Variants in TMEFF2 observed in about 807,000 individuals in gnomAD.
TMEFF2 encodes tomoregulin-2.
A neutral mutation model predicts 53.8 loss-of-function variants in TMEFF2; 28 were observed. The ratio of observed to expected loss-of-function variants is 0.52; its 90% CI spans 0.39 to 0.71. TMEFF2 has a LOEUF of 0.71. Ranked by LOEUF, TMEFF2 falls within the 30% of genes least tolerant of loss-of-function variation. TMEFF2 has a pLI of 0.00. For missense variants in TMEFF2, 353 were observed against 455.2 expected (o/e 0.78, Z 2.04); for synonymous variants, 162 against 166.3 (o/e 0.97, Z 0.20).
At chr2:192,138,709 G>C (rs1309169945) in intron 4 of TMEFF2, among the ~76,000 whole-genome samples, 1 of 152,168 alleles carries the variant, frequency 6.6e-6, no homozygotes. Context: ...GAACAAGGAA[G>C]GGAGTTTCTC....
At chr2:192,078,366 C>G (rs1358265836) in intron 4 of TMEFF2, among the ~76,000 whole-genome samples, 1 of 152,100 alleles carries the variant, frequency 6.6e-6, no homozygotes, top group Non-Finnish European at 1.5e-5. Context: ...TTCTTTATCT[C>G]TCTGGATTGG....
intron 7 of TMEFF2, among the ~76,000 whole-genome samples, chr2:191,978,753 C>G (rs988437096): frequency 6.6e-6 from 1 of 152,124 alleles, no homozygotes; most frequent in Non-Finnish European, 1.5e-5. Flanking sequence ...GTCAGCTCTT[C>G]CTGGTAGGGA....
intron 4 of TMEFF2, among the ~76,000 whole-genome samples, chr2:192,102,993 T>C (rs1182733536): frequency 2.0e-5 from 3 of 152,100 alleles, no homozygotes; most frequent in Non-Finnish European, 4.4e-5. Flanking sequence ...TGGGACTACT[T>C]GAGTTTTTCC....
At chr2:192,000,330 C>T (rs978070642) in intron 5 of TMEFF2, among the ~76,000 whole-genome samples, 3 of 152,120 alleles carry the variant, frequency 2.0e-5, no homozygotes, top group African/African-American at 7.2e-5. Flanking sequence ...GCTAGACTCT[C>T]AACATGTATT....
chr2:192,030,733 T>C (rs1303573801), intron 5 of TMEFF2: 1 of 152,066 alleles, frequency 6.6e-6, no homozygotes, highest in African/African-American at 2.4e-5. Flanking sequence ...ACTACACTGG[T>C]GTCAACAGAA....
intron 4 of TMEFF2, among the ~76,000 whole-genome samples, chr2:192,131,587 C>T (rs1354538021): frequency 6.6e-6 from 1 of 152,020 alleles, no homozygotes; most frequent in African/African-American, 2.4e-5. Flanking sequence ...GCCCCAATCC[C>T]TTATTTCCGT....
intron 7 of TMEFF2, among the ~76,000 whole-genome samples, chr2:191,985,323 A>G (rs967592283): frequency 6.6e-6 from 1 of 152,166 alleles, no homozygotes; most frequent in African/African-American, 2.4e-5. Context: ...AGTATTTTTC[A>G]CAAAACCAAA....
chr2:191,965,449 G>A (rs926459542), intron 7 of TMEFF2, among the ~76,000 whole-genome samples: 1 of 151,994 alleles, frequency 6.6e-6, no homozygotes, highest in African/African-American at 2.4e-5. Context: ...CTCCAATTTT[G>A]CCCTCTCGAA....
At chr2:192,109,207 C>A (rs1174491704) in intron 4 of TMEFF2, among the ~76,000 whole-genome samples, 2 of 151,942 alleles carry the variant, frequency 1.3e-5, no homozygotes, top group African/African-American at 4.8e-5. Flanking sequence ...AAATATATAT[C>A]AAGAACAATA....
chr2:192,110,502 T>TTCTG (rs1689248373), intron 4 of TMEFF2, among the ~76,000 whole-genome samples: 1 of 152,194 alleles, frequency 6.6e-6, no homozygotes, highest in Admixed American at 6.5e-5. Context: ...TTTTATTCTT[T>TTCTG]TCTGTCTAAA....
At chr2:192,165,234 T>A (rs959908863) in intron 4 of TMEFF2, among the ~76,000 whole-genome samples, 1 of 152,080 alleles carries the variant, frequency 6.6e-6, no homozygotes. Context: ...ATAAAGACAG[T>A]GGAGAAAAGG....
intron 2 of TMEFF2, among the ~76,000 whole-genome samples, chr2:192,190,175 C>A (rs936326810): frequency 6.6e-6 from 1 of 151,958 alleles, no homozygotes; most frequent in Non-Finnish European, 1.5e-5. Context: ...ATTTTCATTT[C>A]GTAGCATTCA....
rs146013400 is a variant in TMEFF2, at chr2:192,140,841, C to T, written c.439+38827G>A. On this transcript the variant is annotated intron_variant, in intron 4 of 9. Coordinates refer to ENST00000272771, the MANE Select transcript of TMEFF2 (RefSeq NM_016192.4). ...CATGAGCTTGCACGTATTTTAGCCACAGGCAGGACAGGGGGAATGATGTAG... is the reference window on the plus strand; with the variant it reads ...CATGAGCTTGCACGTATTTTAGCCATAGGCAGGACAGGGGGAATGATGTAG... Among the ~76,000 whole-genome samples the T allele has an allele frequency of 9.2e-5, 14 of 152,272 alleles. 1 individual carries two copies. In the East Asian group the frequency reaches 2.7e-3, roughly 29 times the overall value.
chr2:191,964,253 CT>C lies in TMEFF2; in HGVS notation c.746-7876del, dbSNP rs1553507865. 3.6e-3 allele frequency among the ~76,000 whole-genome samples: 153 copies of C among 42,316 alleles called. 3 individuals are homozygous for C. Among genetic ancestry groups the C allele is most frequent in the African/African-American group, 9.9e-3 (123 of 12,424 alleles). The allele number at this position is 42,316 out of a possible 152,430, so 27.8% of individuals were successfully genotyped here. ...CTTTCCTTCCTTCCTTCCTTCCTTCCTTCCTCCTTTCTTTTCTTTTTTCTTT... is the reference window on the plus strand; with the variant it reads ...CTTTCCTTCCTTCCTTCCTTCCTTCCTCCTCCTTTCTTTTCTTTTTTCTTT... On this transcript the variant is annotated intron_variant, in intron 7 of 9. Coordinates refer to ENST00000272771, the MANE Select transcript of TMEFF2 (RefSeq NM_016192.4).
intron 4 of TMEFF2, among the ~76,000 whole-genome samples, chr2:192,145,894 C>A (rs1419489183): frequency 6.6e-6 from 1 of 151,826 alleles, no homozygotes; most frequent in Non-Finnish European, 1.5e-5. Context: ...GTGGCACTTC[C>A]AGAAGATGAA....
chr2:192,085,351 G>C (rs1439633260), intron 4 of TMEFF2, among the ~76,000 whole-genome samples: 1 of 152,046 alleles, frequency 6.6e-6, no homozygotes, highest in Non-Finnish European at 1.5e-5. Flanking sequence ...CAGCACATTC[G>C]GCGAGGCCAA....
Position 192,142,263 on chromosome 2 carries a change from G to T in TMEFF2, c.439+37405C>A, listed in dbSNP as rs146375683. Among the ~76,000 whole-genome samples, 22 of 152,106 alleles carry T rather than the reference G, an allele frequency of 1.4e-4. 1 individual carries two copies. In the East Asian group the frequency reaches 4.1e-3, roughly 28 times the overall value. On this transcript the variant is annotated intron_variant, in intron 4 of 9. Coordinates refer to ENST00000272771, the MANE Select transcript of TMEFF2 (RefSeq NM_016192.4). ...CTCCTAGAAGCAAAGAACTCAATCT[G>T]GCATATTGAGGTGACTTTGGTGAAT...
chr2:192,015,561 A>G (rs572735959), intron 5 of TMEFF2, among the ~76,000 whole-genome samples: 1 of 152,304 alleles, frequency 6.6e-6, no homozygotes, highest in South Asian at 2.1e-4. Flanking sequence ...AGCCTTTAAA[A>G]TATAATACAC....
chr2:192,172,212 T>C (rs914256284), intron 4 of TMEFF2, among the ~76,000 whole-genome samples: 1 of 151,704 alleles, frequency 6.6e-6, no homozygotes, highest in Non-Finnish European at 1.5e-5. Flanking sequence ...GTAGCTTTTT[T>C]TTTTTAACTG....
Sources: gnomAD v4.1 joint callset for allele counts (sites outside exome capture counted in the v4.1 genomes callset) on GRCh38, gnomAD v4.1.1 for gene constraint, MANE v1.5 for transcripts, NCBI Gene and HGNC (gene_info 2026-07-23, HGNC 2026-07-21) for gene names.